NKAIN2: variants seen among roughly 807,000 people sequenced by gnomAD.
NKAIN2 encodes the protein sodium/potassium transporting ATPase interacting 2.
In NKAIN2, 14 loss-of-function variants were observed where a neutral mutation model predicts 32.6. That is an observed-to-expected ratio of 0.43 (90% CI 0.28 to 0.67). The LOEUF is 0.67. Ranked by LOEUF, NKAIN2 falls within the 30% of genes least tolerant of loss-of-function variation. NKAIN2 has a pLI of 0.17. For missense variants in NKAIN2, 198 were observed against 258.3 expected, an observed-to-expected ratio of 0.77 and a Z score of 1.60; for synonymous variants, 80 against 87.2, an observed-to-expected ratio of 0.92 and a Z score of 0.46.
intron 4 of NKAIN2, among the ~76,000 whole-genome samples, chr6:124,663,428 C>A (rs1187849879): frequency 6.7e-6 from 1 of 149,040 alleles, no homozygotes; most frequent in Non-Finnish European, 1.5e-5. Flanking sequence ...AAGACTCCAT[C>A]TCAAAAAAAA....
At chr6:124,555,343 G>GAC (rs10694366) in intron 3 of NKAIN2, among the ~76,000 whole-genome samples, 6 of 151,848 alleles carry the variant, frequency 4.0e-5, no homozygotes, top group African/African-American at 1.2e-4. Flanking sequence ...CCTCCTGACT[G>GAC]TGTCTCACAA....
At chr6:124,331,370 A>AAAAAAAAAC (rs1797648306) in intron 2 of NKAIN2, among the ~76,000 whole-genome samples, 1 of 144,432 alleles carries the variant, frequency 6.9e-6, no homozygotes, top group African/African-American at 2.6e-5. Context: ...AAAAAAAAAA[A>AAAAAAAAAC]AAAAAAAAAC....
intron 3 of NKAIN2, among the ~76,000 whole-genome samples, chr6:124,475,815 T>C (rs559594681): frequency 2.6e-5 from 4 of 152,288 alleles, no homozygotes; most frequent in African/African-American, 4.8e-5. Context: ...CCCGAAAGCA[T>C]TTGAAGATTT....
intron 1 of NKAIN2, among the ~76,000 whole-genome samples, chr6:124,104,053 C>G (rs1027993877): frequency 1.3e-5 from 2 of 152,070 alleles, no homozygotes; most frequent in Non-Finnish European, 2.9e-5. Flanking sequence ...CGCCACTGCA[C>G]TCCAGCCTGA....
chr6:123,977,028 G>T (rs1375599317), intron 1 of NKAIN2, among the ~76,000 whole-genome samples: 4 of 152,148 alleles, frequency 2.6e-5, no homozygotes, highest in African/African-American at 7.2e-5. Flanking sequence ...TCCGCTTATT[G>T]CCTGGGCTGG....
At chr6:124,462,766 A>G (rs991854662) in intron 3 of NKAIN2, among the ~76,000 whole-genome samples, 1 of 152,088 alleles carries the variant, frequency 6.6e-6, no homozygotes, top group African/African-American at 2.4e-5. Context: ...CAACGTTTTT[A>G]TATGTACTTC....
intron 3 of NKAIN2, among the ~76,000 whole-genome samples, chr6:124,407,408 A>G (rs1773914011): frequency 7.4e-6 from 1 of 135,294 alleles, no homozygotes; most frequent in African/African-American, 2.8e-5. Flanking sequence ...TTGTGTTCTC[A>G]TTGTTCAATT....
At chr6:124,815,461 G>T (rs1220626633) in intron 5 of NKAIN2, among the ~76,000 whole-genome samples, 1 of 151,662 alleles carries the variant, frequency 6.6e-6, no homozygotes, top group South Asian at 2.1e-4. Flanking sequence ...GTAGAGACGG[G>T]GTTTCACCAT....
chr6:123,862,732 C>A (rs1189577140), intron 1 of NKAIN2, among the ~76,000 whole-genome samples: 1 of 152,192 alleles, frequency 6.6e-6, no homozygotes, highest in Non-Finnish European at 1.5e-5. Context: ...CATAACCTGT[C>A]TCCATGTTGG....
At chr6:124,693,773 C>A (rs546374747) in intron 4 of NKAIN2, among the ~76,000 whole-genome samples, 54 of 152,254 alleles carry the variant, frequency 3.5e-4, no homozygotes, top group African/African-American at 1.3e-3. Context: ...AAAGAGGTTC[C>A]AGATGCTGGA....
intron 1 of NKAIN2, among the ~76,000 whole-genome samples, chr6:123,872,672 T>C (rs192777541): frequency 2.8e-4 from 42 of 152,268 alleles, no homozygotes; most frequent in African/African-American, 8.2e-4. Context: ...CAAAGATGAG[T>C]TGATAATCAC....
intron 1 of NKAIN2, among the ~76,000 whole-genome samples, chr6:123,928,899 A>T (rs1046586121): frequency 2.0e-5 from 3 of 152,316 alleles, no homozygotes; most frequent in Admixed American, 2.0e-4. Flanking sequence ...GTGGTGTATT[A>T]ATGCAATAGA....
intron 3 of NKAIN2, among the ~76,000 whole-genome samples, chr6:124,404,363 C>T (rs779140372): frequency 1.3e-5 from 2 of 152,128 alleles, no homozygotes; most frequent in Admixed American, 1.3e-4. Context: ...ATTCACTATG[C>T]CCTAGCCAAG....
chr6:123,886,669 A>C (rs1305986636), intron 1 of NKAIN2, among the ~76,000 whole-genome samples: 22 of 152,176 alleles, frequency 1.4e-4, no homozygotes, highest in Non-Finnish European at 7.4e-5. Flanking sequence ...AAGGGGAAGC[A>C]TATAAAGTTA....
At chr6:124,131,484 A>G (rs1183777715) in intron 1 of NKAIN2, among the ~76,000 whole-genome samples, 2 of 152,186 alleles carry the variant, frequency 1.3e-5, no homozygotes, top group African/African-American at 4.8e-5. Flanking sequence ...GGAAAACCAA[A>G]AGAATTCAGA....
At chr6:124,343,722 T>C (rs926354825) in intron 2 of NKAIN2, among the ~76,000 whole-genome samples, 2 of 150,164 alleles carry the variant, frequency 1.3e-5, no homozygotes, top group African/African-American at 4.9e-5. Context: ...TTGTAGATTC[T>C]GGATATTAGC....
At chr6:124,743,461 G>A (rs1373657146) in intron 4 of NKAIN2, among the ~76,000 whole-genome samples, 1 of 151,586 alleles carries the variant, frequency 6.6e-6, no homozygotes, top group Non-Finnish European at 1.5e-5. Context: ...TCAATAAATT[G>A]CCATTTATTC....
intron 1 of NKAIN2, among the ~76,000 whole-genome samples, chr6:124,051,809 T>C (rs1335992687): frequency 6.6e-6 from 1 of 152,032 alleles, no homozygotes; most frequent in Non-Finnish European, 1.5e-5. Context: ...ATTGGGTTAG[T>C]GGTACCCAAT....
chr6:124,529,590 A>T (rs1314363991), intron 3 of NKAIN2, among the ~76,000 whole-genome samples: 1 of 152,184 alleles, frequency 6.6e-6, no homozygotes, highest in Non-Finnish European at 1.5e-5. Flanking sequence ...TGCTTTGGCC[A>T]GGTCGGATCA....
Sources: gnomAD v4.1 joint callset for allele counts (sites outside exome capture counted in the v4.1 genomes callset) on GRCh38, gnomAD v4.1.1 for gene constraint, MANE v1.5 for transcripts, NCBI Gene and HGNC (gene_info 2026-07-23, HGNC 2026-07-21) for gene names.